Variants in PLEKHH2 observed in about 807,000 individuals in gnomAD.
PLEKHH2 encodes pleckstrin homology domain-containing family H member 2.
PLEKHH2 carries 129 observed loss-of-function variants against 187.9 expected under a neutral mutation model. The ratio of observed to expected loss-of-function variants is 0.69; its 90% confidence interval spans 0.59 to 0.79. The LOEUF (loss-of-function observed/expected upper bound fraction) is 0.79, where lower values mean the gene tolerates loss of function less well. PLEKHH2 is among the 30% of genes least tolerant of loss of function. The pLI, the probability that PLEKHH2 is intolerant of heterozygous loss-of-function variation, is 0.00. For missense variants in PLEKHH2, 2,076 were observed against 1,751.2 expected, an observed-to-expected ratio of 1.19 and a Z score of -3.31; for synonymous variants, 686 against 605.6, an observed-to-expected ratio of 1.13 and a Z score of -1.95.
intron 3 of PLEKHH2, among the ~76,000 whole-genome samples, chr2:43,689,729 A>G (rs1284604121): frequency 6.6e-6 from 1 of 152,182 alleles, no homozygotes; most frequent in Non-Finnish European, 1.5e-5. Flanking sequence ...CTTGCCTAGG[A>G]AAATTGTTTG....
chr2:43,751,926 CTTTT>C (rs1191371733), intron 24 of PLEKHH2, among the ~76,000 whole-genome samples: 2 of 139,858 alleles, frequency 1.4e-5, no homozygotes, highest in African/African-American at 2.7e-5. Flanking sequence ...CTCTCTCTCT[CTTTT>C]TTTTTTTTTT....
chr2:43,677,903 ACGGGGCGG>A (rs1667920851), intron 2 of PLEKHH2, among the ~76,000 whole-genome samples: 1 of 44,706 alleles, frequency 2.2e-5, no homozygotes, highest in Non-Finnish European at 5.8e-5. Flanking sequence ...TCCCTCCAGG[ACGGGGCGG>A]CTGGCCGGGC....
intron 26 of PLEKHH2, among the ~76,000 whole-genome samples, 158 bp downstream of exon 26, chr2:43,757,422 C>CTTTTT (rs564542581): frequency 7.2e-6 from 1 of 139,418 alleles, no homozygotes; most frequent in Non-Finnish European, 1.6e-5. Flanking sequence ...TTTTTTCTTT[C>CTTTTT]TTTTTTTTTT....
At chr2:43,713,099 A>AACACACACACACAAACACACAC (rs1553342253) in intron 15 of PLEKHH2, among the ~76,000 whole-genome samples, 1 of 150,676 alleles carries the variant, frequency 6.6e-6, no homozygotes, top group African/African-American at 2.4e-5. Flanking sequence ...ATATCAAATC[A>AACACACACACACAAACACACAC]ACACACACAC....
intron 15 of PLEKHH2, among the ~76,000 whole-genome samples, chr2:43,719,039 C>G (rs1483474687): frequency 6.6e-6 from 1 of 152,156 alleles, no homozygotes; most frequent in Non-Finnish European, 1.5e-5. Flanking sequence ...TATTGAGTAA[C>G]TACTGTCATC....
At chr2:43,675,547 T>C in intron 2 of PLEKHH2, 1 of 1,613,928 alleles carries the variant, frequency 6.2e-7, no homozygotes, top group Non-Finnish European at 8.5e-7. Flanking sequence ...TTGCTGAGGG[T>C]TATTAGACAA....
intron 3 of PLEKHH2, among the ~76,000 whole-genome samples, chr2:43,688,574 C>T (rs1297041597): frequency 6.6e-6 from 1 of 152,146 alleles, no homozygotes; most frequent in Non-Finnish European, 1.5e-5. Flanking sequence ...CCTGCTTTCT[C>T]CTATGGAAAA....
intron 17 of PLEKHH2, 102 bp downstream of exon 17, chr2:43,726,553 T>C: frequency 8.8e-7 from 1 of 1,131,722 alleles, no homozygotes; most frequent in Non-Finnish European, 1.3e-6. Flanking sequence ...AGGAAGAAAA[T>C]TTTGCTATAG....
rs575837738 is a variant in PLEKHH2, at chr2:43,760,507, C to T, written c.4071+1478C>T. 4.6e-5 allele frequency among the ~76,000 whole-genome samples: 7 copies of T among 152,036 alleles called. No homozygotes were observed. In the South Asian group the frequency reaches 1.0e-3, roughly 23 times the overall value. ...CCTTCCAAGTAGCTGGGATTACAGG[C>T]GCACACCACCACGCTCAGCTAATTT... On this transcript the variant is annotated intron_variant, in intron 27 of 29. Coordinates refer to ENST00000282406, the MANE Select transcript of PLEKHH2 (RefSeq NM_172069.4).
intron 15 of PLEKHH2, among the ~76,000 whole-genome samples, chr2:43,720,295 T>A (rs34506271): frequency 0.16 from 23,180 of 144,928 alleles, 2,785 homozygotes; most frequent in African/African-American, 0.34. Context: ...TTTTTTTTTT[T>A]ACAACTTTTA....
chr2:43,640,325 G>C (rs1703315992), intron 1 of PLEKHH2, among the ~76,000 whole-genome samples: 1 of 151,822 alleles, frequency 6.6e-6, no homozygotes, highest in South Asian at 2.1e-4. Context: ...GAGTAGCTGG[G>C]ACCACAGGTA....
At chr2:43,676,028 C>T (rs1225359541) in intron 2 of PLEKHH2, 1 of 1,614,020 alleles carries the variant, frequency 6.2e-7, no homozygotes, top group East Asian at 2.2e-5. Context: ...TCGTAGAGCT[C>T]TGCTTTGTCA....
At chr2:43,707,371 A>T in intron 10 of PLEKHH2, 30 bp from the exon 11 acceptor site, 1 of 1,613,504 alleles carries the variant, frequency 6.2e-7, no homozygotes, top group Non-Finnish European at 8.5e-7. Context: ...TTAGGGATGG[A>T]TACAGGGAGG....
At chr2:43,666,173 G>A (rs1246939067) in intron 2 of PLEKHH2, among the ~76,000 whole-genome samples, 3 of 149,752 alleles carry the variant, frequency 2.0e-5, no homozygotes, top group Non-Finnish European at 4.4e-5. Flanking sequence ...ATATAGTCTC[G>A]TGGTGCGCCG....
chr2:43,710,673 T>G (rs1312970304), intron 14 of PLEKHH2, 98 bp downstream of exon 14: 3 of 1,492,396 alleles, frequency 2.0e-6, no homozygotes, highest in Non-Finnish European at 2.7e-6. Flanking sequence ...TAATTCAGTG[T>G]TTCTTTATTC....
intron 1 of PLEKHH2, among the ~76,000 whole-genome samples, chr2:43,644,136 T>G (rs6741367): frequency 6.6e-6 from 1 of 151,808 alleles, no homozygotes; most frequent in Non-Finnish European, 1.5e-5. Flanking sequence ...AGAGTGATGA[T>G]AAGGAATCAT....
At chr2:43,677,692 C>T (rs953449080) in intron 2 of PLEKHH2, among the ~76,000 whole-genome samples, 1 of 151,876 alleles carries the variant, frequency 6.6e-6, no homozygotes, top group Non-Finnish European at 1.5e-5. Context: ...TCATCATGGC[C>T]CGTTCTCAAT....
chr2:43,721,645 A>G (rs760122299), intron 16 of PLEKHH2, among the ~76,000 whole-genome samples: 4 of 152,174 alleles, frequency 2.6e-5, no homozygotes, highest in Non-Finnish European at 4.4e-5. Flanking sequence ...GCACTTTGGG[A>G]GGCCAAGAGG....
chr2:43,693,228 T>C (rs1026643001), intron 4 of PLEKHH2, among the ~76,000 whole-genome samples: 2 of 152,180 alleles, frequency 1.3e-5, no homozygotes, highest in African/African-American at 4.8e-5. Context: ...CCCAGCCAGA[T>C]GTTAGAGTTT....
Sources: gnomAD v4.1 joint callset for allele counts (sites outside exome capture counted in the v4.1 genomes callset) on GRCh38, gnomAD v4.1.1 for gene constraint, MANE v1.5 for transcripts, NCBI Gene and HGNC (gene_info 2026-07-23, HGNC 2026-07-21) for gene names.